LAMB4: variants seen among roughly 807,000 people sequenced by gnomAD.
The protein encoded by LAMB4 is laminin subunit beta 4.
LAMB4 carries 196 observed loss-of-function variants against 199.2 expected under a neutral mutation model. The ratio of observed to expected loss-of-function variants is 0.98; its 90% CI spans 0.88 to 1.11. The LOEUF (loss-of-function observed/expected upper bound fraction) is 1.11. Among genes scored for constraint, LAMB4 ranks in the 50% least tolerant of loss-of-function variants. LAMB4 has a pLI of 0.00. For missense variants in LAMB4, 2,080 were observed against 2,171.2 expected, an observed-to-expected ratio of 0.96 and a Z score of 0.83; for synonymous variants, 744 against 770.6, an observed-to-expected ratio of 0.97 and a Z score of 0.57.
chr7:108,047,892 A>C lies in LAMB4; in HGVS notation c.4326+16T>G, dbSNP rs1019681324. 6.3e-7 allele frequency: 1 copy of C among 1,599,202 alleles called. No homozygotes were observed. The highest frequency in any genetic ancestry group is 8.6e-7 in the Non-Finnish European group (1 of 1,166,504). The stretch of plus-strand genomic sequence containing the variant: ...ATTGCTATAACTTTACAAATAAAGC[A>C]AGAGAAGATATTTACCTGATTTTTC... On this transcript the variant is annotated intron_variant, in intron 28 of 33. Coordinates refer to ENST00000388781, the MANE Select transcript of LAMB4 (RefSeq NM_007356.3).
intron 2 of LAMB4, among the ~76,000 whole-genome samples, chr7:108,122,717 G>T (rs2038643625): frequency 6.6e-6 from 1 of 152,210 alleles, no homozygotes; most frequent in Non-Finnish European, 1.5e-5. Context: ...GGAGCATGGA[G>T]AATTTGGCCT....
At position 108,062,964 on chromosome 7, in the gene LAMB4, G is replaced by A; in HGVS notation, c.3092C>T (p.Pro1031Leu). ...TCCCCCACCAGGGGGACACTCCATG[G>A]GACTCACGCCGGAAGCATGGCAGGA... Reference protein sequence around the residue: ...RCSCHASGVSPMECPPGGGAC... With the variant: ...RCSCHASGVSLMECPPGGGAC... Residue 1031 changes from proline (P) to leucine (L), a missense_variant, in exon 23 of 34, where the codon CCC becomes CTC. Pro to Leu is a moderately conservative substitution (Grantham distance 98). Coordinates refer to ENST00000388781, the MANE Select transcript of LAMB4 (RefSeq NM_007356.3). 1.3e-6 allele frequency: 2 copies of A among 1,593,774 alleles called. No homozygotes were observed. Among genetic ancestry groups the A allele is most frequent in the Non-Finnish European group, 1.7e-6 (2 of 1,172,024 alleles).
intron 25 of LAMB4, among the ~76,000 whole-genome samples, chr7:108,053,399 T>C (rs964111557): frequency 6.6e-6 from 1 of 152,172 alleles, no homozygotes; most frequent in African/African-American, 2.4e-5. Context: ...TTAATAGAAC[T>C]ACATGAGGCC....
rs879788339 is a variant in LAMB4, at chr7:108,030,738, G to A, written c.4992+68C>T. 1.8e-5 allele frequency: 26 copies of A among 1,463,508 alleles called. No homozygotes were observed. The East Asian group carries it at 4.8e-4, about 27-fold the overall frequency. 90.7% of individuals were successfully genotyped at this position (1,463,508 alleles called of 1,614,324 possible). On this transcript the variant is annotated intron_variant, in intron 32 of 33. Coordinates refer to ENST00000388781, the MANE Select transcript of LAMB4 (RefSeq NM_007356.3). ...GATGAGAAATGGCACAAAAATCTGGGGTTAAAGAACTATCTTTCAAAGAAG... is the reference window on the plus strand; with the variant it reads ...GATGAGAAATGGCACAAAAATCTGGAGTTAAAGAACTATCTTTCAAAGAAG...
intron 32 of LAMB4, among the ~76,000 whole-genome samples, chr7:108,030,464 A>C (rs1434293068): frequency 6.6e-6 from 1 of 152,202 alleles, no homozygotes; most frequent in East Asian, 1.9e-4. Context: ...CTGAATGAGA[A>C]TAGAGGGCAA....
At chr7:108,112,647 C>T (rs1001603975) in intron 3 of LAMB4, among the ~76,000 whole-genome samples, 3 of 152,148 alleles carry the variant, frequency 2.0e-5, no homozygotes, top group African/African-American at 7.2e-5. Flanking sequence ...TTTGAGTTTG[C>T]TTAATTTAAT....
chr7:108,115,836 G>A (rs985051697), intron 3 of LAMB4, among the ~76,000 whole-genome samples, 168 bp downstream of exon 3: 5 of 152,052 alleles, frequency 3.3e-5, no homozygotes, highest in African/African-American at 1.2e-4. Flanking sequence ...GGGGGAAAGG[G>A]TCCCGGCACC....
intron 2 of LAMB4, among the ~76,000 whole-genome samples, chr7:108,117,186 T>G (rs73725342): frequency 0.011 from 1,701 of 152,342 alleles, 29 homozygotes; most frequent in African/African-American, 0.039. Flanking sequence ...ATTACCTATA[T>G]AGTACAGCAT....
intron 30 of LAMB4, among the ~76,000 whole-genome samples, chr7:108,036,554 G>T (rs1211735540): frequency 6.6e-6 from 1 of 152,086 alleles, no homozygotes; most frequent in African/African-American, 2.4e-5. Context: ...ACCTAGAAGG[G>T]GTTGGACTTT....
Position 108,069,878 on chromosome 7 carries a change from A to C in LAMB4, c.2132T>G (p.Leu711Arg). The C allele has an allele frequency of 6.2e-7, 1 of 1,608,332 alleles. No homozygotes were observed. Among genetic ancestry groups the C allele is most frequent in the Non-Finnish European group, 8.5e-7 (1 of 1,175,400 alleles). ...CTCCAATGAATTGATTTGGGGAATA[A>C]GGCCAAGCTTTTGAAAGAATGCAAA... ...HSHVLVDSLG[L>R]IPQINSLENF... Residue 711 changes from leucine (L) to arginine (R), a missense_variant, in exon 18 of 34, where the codon CTT becomes CGT. Leu to Arg is a moderately radical substitution (Grantham distance 102). Coordinates refer to ENST00000388781, the MANE Select transcript of LAMB4 (RefSeq NM_007356.3).
the LAMB4 span, among the ~76,000 whole-genome samples, chr7:108,016,136 T>A: frequency 2.6e-5 from 4 of 152,132 alleles, no homozygotes; most frequent in Admixed American, 2.6e-4. Flanking sequence ...CTGAGTATAG[T>A]CGCAGGGCAC....
chr7:108,122,979 C>T (rs938939528), intron 2 of LAMB4, 152 bp downstream of exon 2: 2 of 553,982 alleles, frequency 3.6e-6, no homozygotes, highest in Non-Finnish European at 6.0e-6. Context: ...TGGAATTTTT[C>T]AGTTGCTTGA....
chr7:108,044,634 A>G (rs2035549912), intron 28 of LAMB4, among the ~76,000 whole-genome samples: 1 of 152,226 alleles, frequency 6.6e-6, no homozygotes. Context: ...AAGTAGGGCT[A>G]GTTAGGATCA....
intron 13 of LAMB4, among the ~76,000 whole-genome samples, 193 bp from the exon 14 acceptor site, chr7:108,091,969 G>A (rs1236725120): frequency 5.9e-5 from 9 of 152,144 alleles, no homozygotes; most frequent in Non-Finnish European, 4.4e-5. Context: ...CAGGGCCATG[G>A]AGCCCAGGCG....
At chr7:108,043,674 G>C in intron 29 of LAMB4, 78 bp downstream of exon 29, 3 of 722,708 alleles carry the variant, frequency 4.2e-6, no homozygotes, top group Non-Finnish European at 5.9e-6. Context: ...CCGCCTCCTG[G>C]GTTCACGTAT....
chr7:108,016,769 G>GT, the LAMB4 span, among the ~76,000 whole-genome samples: 1 of 152,050 alleles, frequency 6.6e-6, no homozygotes, highest in South Asian at 2.1e-4. Flanking sequence ...AGATTTTAAG[G>GT]TTTTTTTCAC....
chr7:108,107,037 G>A (rs1032758315), intron 6 of LAMB4, among the ~76,000 whole-genome samples: 2 of 152,194 alleles, frequency 1.3e-5, no homozygotes, highest in African/African-American at 4.8e-5. Context: ...TTATGTACAA[G>A]TGGTTCATAC....
intron 14 of LAMB4, among the ~76,000 whole-genome samples, chr7:108,083,819 T>C (rs2037052945): frequency 6.6e-6 from 1 of 152,228 alleles, no homozygotes; most frequent in African/African-American, 2.4e-5. Flanking sequence ...TCTGGGCTTC[T>C]TGTCACTGTA....
At chr7:108,110,416 A>G (rs2038180920) in intron 4 of LAMB4, among the ~76,000 whole-genome samples, 1 of 152,170 alleles carries the variant, frequency 6.6e-6, no homozygotes, top group Non-Finnish European at 1.5e-5. Context: ...GCCCATCTCA[A>G]TTTGGATTAG....
Sources: allele counts gnomAD v4.1 joint callset (sites outside exome capture counted in the v4.1 genomes callset), GRCh38; gene constraint gnomAD v4.1.1; transcripts MANE v1.5; gene names NCBI Gene and HGNC (gene_info 2026-07-23, HGNC 2026-07-21).